The following RPH3AL variants were observed in gnomAD, a reference collection of about 807,000 sequenced individuals.
The protein encoded by RPH3AL is rab effector Noc2.
RPH3AL carries 38 observed loss-of-function variants against 43.1 expected under a neutral mutation model. The observed-to-expected ratio is 0.88, with a 90% confidence interval of 0.68 to 1.15. The LOEUF is 1.15. Ranked by LOEUF, RPH3AL falls within the 50% of genes most tolerant of loss-of-function variation. The pLI, the probability that RPH3AL is intolerant of heterozygous loss-of-function variation, is 0.00. For missense variants in RPH3AL, 462 were observed against 423.2 expected (o/e 1.09, Z -0.81); for synonymous variants, 189 against 176.3 (o/e 1.07, Z -0.57).
At chr17:270,417 C>G (rs1012280869) in intron 6 of RPH3AL, among the ~76,000 whole-genome samples, 4 of 152,210 alleles carry the variant, frequency 2.6e-5, no homozygotes, top group African/African-American at 9.6e-5. Flanking sequence ...AGCGGCTGGG[C>G]TGGCTGCGGA....
intron 1 of RPH3AL, among the ~76,000 whole-genome samples, chr17:336,847 C>G (rs949820192): frequency 4.6e-5 from 7 of 152,190 alleles, no homozygotes; most frequent in African/African-American, 1.7e-4. Context: ...ACCCTCTCAC[C>G]TGGAACGCCT....
At position 336,853 on chromosome 17, in the gene RPH3AL, C is replaced by T. The variant is rs922059749; in HGVS notation, c.-212-2919G>A. ...GTCTCCGGCACCCTCTCACCTGGAACGCCTTTGGTTCACGCTGTCTACCTC... is the reference window on the plus strand; with the variant it reads ...GTCTCCGGCACCCTCTCACCTGGAATGCCTTTGGTTCACGCTGTCTACCTC... On this transcript the variant is annotated intron_variant, in intron 1 of 9. Coordinates refer to ENST00000331302, the MANE Select transcript of RPH3AL (RefSeq NM_006987.4). Among the ~76,000 whole-genome samples the T allele has an allele frequency of 1.3e-4, 20 of 152,270 alleles. 1 individual carries two copies. The Middle Eastern group carries it at 0.017, about 129-fold the overall frequency.
chr17:318,078 C>G (rs1278483979), intron 5 of RPH3AL, among the ~76,000 whole-genome samples: 1 of 152,094 alleles, frequency 6.6e-6, no homozygotes, highest in Non-Finnish European at 1.5e-5. Flanking sequence ...TATAATAACT[C>G]CAGTCTTAAA....
In RPH3AL at chr17:345,679, C is replaced by T. The variant is rs62055023; in HGVS notation, c.-213+7033G>A. 3.2e-4 allele frequency among the ~76,000 whole-genome samples: 23 copies of T among 71,368 alleles called. 3 individuals carry two copies. The highest frequency in any genetic ancestry group is 4.6e-4 in the African/African-American group (14 of 30,130). 46.8% of individuals were successfully genotyped at this position (71,368 alleles called of 152,430 possible). A position where few individuals can be genotyped will look rare whatever the true frequency, so the allele number is the denominator to read the frequency against. Reference sequence around the variant, plus strand: ...GGGGCACGCGTGCTCCCCATCTGCGCGCACACCCTGCTGGGGCACGCGTGC... The same window carrying T: ...GGGGCACGCGTGCTCCCCATCTGCGTGCACACCCTGCTGGGGCACGCGTGC... On this transcript the variant is annotated intron_variant, in intron 1 of 9. Transcript: ENST00000331302.
At position 301,462 on chromosome 17, in the gene RPH3AL, C is replaced by T. The variant is rs559987776; in HGVS notation, c.351+17958G>A. ...GAGATTATGGGTGCGCACCACCGTG[C>T]CTGGCTAATTTTTGTATTTTTTTGT... On this transcript the variant is annotated intron_variant, in intron 5 of 9. Transcript: ENST00000331302. Among the ~76,000 whole-genome samples, 4 of 152,224 alleles carry T rather than the reference C, an allele frequency of 2.6e-5. No individual in the cohort carries two copies. In the South Asian group the frequency reaches 8.3e-4, roughly 32 times the overall value.
chr17:312,852 G>A (rs937377744), intron 5 of RPH3AL, among the ~76,000 whole-genome samples: 8 of 152,188 alleles, frequency 5.3e-5, no homozygotes, highest in African/African-American at 1.2e-4. Flanking sequence ...CTGCAGCTCC[G>A]TGCACAACCA....
chr17:306,448 G>C (rs2043490264), intron 5 of RPH3AL: 1 of 152,178 alleles, frequency 6.6e-6, no homozygotes, highest in African/African-American at 2.4e-5. Context: ...CACCTGCAAC[G>C]AGGAGACCGT....
chr17:258,796 T>G (rs1167806666), intron 6 of RPH3AL, among the ~76,000 whole-genome samples: 1 of 147,168 alleles, frequency 6.8e-6, no homozygotes, highest in Non-Finnish European at 1.5e-5. Context: ...GGTCTCACTC[T>G]GTTGCCCAGG....
At chr17:310,057 C>T (rs1293424904) in intron 5 of RPH3AL, among the ~76,000 whole-genome samples, 3 of 151,862 alleles carry the variant, frequency 2.0e-5, no homozygotes, top group African/African-American at 4.8e-5. Flanking sequence ...AAAAAAAAAA[C>T]GACTGCTTCC....
intron 7 of RPH3AL, among the ~76,000 whole-genome samples, chr17:232,627 C>T (rs2041254803): frequency 6.6e-6 from 1 of 152,172 alleles, no homozygotes; most frequent in Non-Finnish European, 1.5e-5. Context: ...ATTCATTCCC[C>T]AAGTGTCTGG....
rs1312730272 is a variant in RPH3AL at position 328,050 on chromosome 17, C to T, written c.-36-471G>A. On this transcript the variant is annotated intron_variant, in intron 2 of 9. Coordinates refer to ENST00000331302, the MANE Select transcript of RPH3AL (RefSeq NM_006987.4). This position sits in a 1 kb window ranked among gnomAD's most constrained non-coding sequence, Gnocchi z 4.2. The stretch of plus-strand genomic sequence containing the variant: ...CAAACCTGGGGACCTGGCTCTCCTT[C>T]CCAACAGACTCACACCGATGATCAC... Among the ~76,000 whole-genome samples, 6 of 145,326 alleles carry T rather than the reference C, an allele frequency of 4.1e-5. No individual in the cohort carries two copies. The highest frequency in any genetic ancestry group is 5.9e-5 in the Non-Finnish European group (4 of 67,986).
At chr17:265,562 C>G (rs1203749779) in intron 6 of RPH3AL, among the ~76,000 whole-genome samples, 2 of 152,174 alleles carry the variant, frequency 1.3e-5, no homozygotes, top group Non-Finnish European at 2.9e-5. Flanking sequence ...TTTATTCCCT[C>G]TTCCCTCTTC....
chr17:274,095 A>G lies in RPH3AL; in HGVS notation c.438+7673T>C, dbSNP rs1197401250. Among the ~76,000 whole-genome samples, 3 of 152,224 alleles carry G rather than the reference A, an allele frequency of 2.0e-5. No homozygotes were observed. Among genetic ancestry groups the G allele is most frequent in the African/African-American group, 7.2e-5 (3 of 41,458 alleles). On this transcript the variant is annotated intron_variant, in intron 6 of 9. Transcript: ENST00000331302. This position sits in a 1 kb window ranked among gnomAD's most constrained non-coding sequence, Gnocchi z 4.7. ...CATTCTTCGTTTTCGTTTAGTGGAT[A>G]GGGATTCGAGGCTAAACAGTAAATG... is the stretch of plus-strand genomic sequence containing the variant.
At chr17:303,410 A>G (rs984110227) in intron 5 of RPH3AL, among the ~76,000 whole-genome samples, 3 of 152,116 alleles carry the variant, frequency 2.0e-5, no homozygotes, top group Non-Finnish European at 4.4e-5. Flanking sequence ...ATCACGAAAA[A>G]AAAAAAGATT....
intron 8 of RPH3AL, among the ~76,000 whole-genome samples, chr17:219,191 A>ATTTT (rs2040886393): frequency 4.2e-5 from 2 of 48,192 alleles, no homozygotes; most frequent in Admixed American, 2.3e-4. Flanking sequence ...AATAAACAGC[A>ATTTT]CTTTTTTTTT....
At chr17:228,135 C>G (rs989634968) in intron 7 of RPH3AL, among the ~76,000 whole-genome samples, 1 of 152,162 alleles carries the variant, frequency 6.6e-6, no homozygotes, top group Non-Finnish European at 1.5e-5. Context: ...GGGGAGTCAC[C>G]GGCTCTGAGA....
intron 6 of RPH3AL, among the ~76,000 whole-genome samples, chr17:255,886 T>C (rs369585449): frequency 0.014 from 430 of 30,352 alleles, 4 homozygotes; most frequent in African/African-American, 0.022. Flanking sequence ...TCCCTAGGAA[T>C]GTGACTACCC....
chr17:320,480 AT>A (rs1324272796), intron 4 of RPH3AL, among the ~76,000 whole-genome samples: 1 of 151,970 alleles, frequency 6.6e-6, no homozygotes, highest in Non-Finnish European at 1.5e-5. Context: ...TACAAAAAAA[AT>A]AAAATAAAAA....
chr17:269,341 T>C (rs995006332), intron 6 of RPH3AL, among the ~76,000 whole-genome samples: 1 of 152,188 alleles, frequency 6.6e-6, no homozygotes, highest in African/African-American at 2.4e-5. Flanking sequence ...TAGTGTATGA[T>C]ACGATTTGCT....
Sources: allele counts gnomAD v4.1 joint callset (sites outside exome capture counted in the v4.1 genomes callset), GRCh38; gene constraint gnomAD v4.1.1; non-coding constraint Gnocchi (gnomAD v3.1); transcripts MANE v1.5; gene names NCBI Gene and HGNC (gene_info 2026-07-23, HGNC 2026-07-21).